Variants in PTCHD4 observed in about 807,000 individuals in gnomAD.
The protein encoded by PTCHD4 is patched domain-containing protein 4.
Under a neutral mutation model 58.1 loss-of-function variants are expected in PTCHD4, and 33 were observed. That is an observed-to-expected ratio of 0.57 (90% CI 0.43 to 0.76). The LOEUF (loss-of-function observed/expected upper bound fraction) is 0.76. Among genes scored for constraint, PTCHD4 ranks in the 30% least tolerant of loss-of-function variants. PTCHD4 has a pLI of 0.00. For synonymous variants in PTCHD4, 478 were observed against 409.6 expected (o/e 1.17, Z -2.02); for missense variants, 1,058 against 1,027.1 (o/e 1.03, Z -0.41).
intron 4 of PTCHD4, among the ~76,000 whole-genome samples, chr6:47,890,035 A>T (rs1365401104): frequency 6.6e-6 from 1 of 151,326 alleles, no homozygotes; most frequent in African/African-American, 2.4e-5. Context: ...GTATGTGTGT[A>T]TATATATATA....
chr6:48,044,359 T>A (rs1763958601), intron 3 of PTCHD4, among the ~76,000 whole-genome samples: 1 of 151,944 alleles, frequency 6.6e-6, no homozygotes, highest in Non-Finnish European at 1.5e-5. Context: ...AATACATTTG[T>A]CTATTTTTTT....
chr6:48,004,047 T>C (rs1352574046), intron 4 of PTCHD4, among the ~76,000 whole-genome samples: 1 of 152,218 alleles, frequency 6.6e-6, no homozygotes, highest in East Asian at 1.9e-4. Flanking sequence ...TATATTTCTC[T>C]ATTTAGTTGT....
chr6:47,967,264 T>A (rs954438171), intron 4 of PTCHD4, among the ~76,000 whole-genome samples: 4 of 152,226 alleles, frequency 2.6e-5, no homozygotes, highest in Non-Finnish European at 4.4e-5. Context: ...TTTGCAGTAA[T>A]ATTTTGAAAG....
intron 3 of PTCHD4, among the ~76,000 whole-genome samples, chr6:48,011,694 T>C (rs1196522050): frequency 6.6e-6 from 1 of 152,228 alleles, no homozygotes; most frequent in Non-Finnish European, 1.5e-5. Flanking sequence ...TCTAGGGTTT[T>C]TATGTTTTTA....
In PTCHD4 at chr6:47,934,982, C is replaced by A. The variant is rs115646056; in HGVS notation, c.899-55046G>T. 2.0e-3 allele frequency among the ~76,000 whole-genome samples: 311 copies of A among 152,220 alleles called. 4 individuals are homozygous for A. Among genetic ancestry groups the A allele is most frequent in the Non-Finnish European group, 2.3e-3 (154 of 67,986 alleles). ...CACCCATGTCTAAAATTAAATAAGT[C>A]TATGTTCACATAACAAAATAGGGTT... On this transcript the variant is annotated intron_variant, in intron 4 of 4. Coordinates refer to ENST00000339488, the MANE Select transcript of PTCHD4 (RefSeq NM_001384253.1).
Position 48,068,133 on chromosome 6 carries a change from C to G in PTCHD4, c.417+97G>C. On this transcript the variant is annotated intron_variant, in intron 3 of 4. Coordinates refer to ENST00000339488, the MANE Select transcript of PTCHD4 (RefSeq NM_001384253.1). This position sits in a 1 kb window ranked among gnomAD's most constrained non-coding sequence, Gnocchi z 4.2. ...GAGACGGCAGCCTGCCTGAGATCCT[C>G]TAGCACTGAAATAATATCATCCAGC... 5 of 1,351,886 alleles carry G rather than the reference C, an allele frequency of 3.7e-6. No individual in the cohort carries two copies. The highest frequency in any genetic ancestry group is 5.1e-6 in the Non-Finnish European group (5 of 989,788). The allele number at this position is 1,351,886 out of a possible 1,614,324, so 83.7% of individuals were successfully genotyped here. A position where few individuals can be genotyped will look rare whatever the true frequency, so the allele number is the denominator to read the frequency against.
intron 1 of PTCHD4, among the ~76,000 whole-genome samples, chr6:48,074,170 T>C (rs756718670): frequency 1.3e-5 from 2 of 152,004 alleles, no homozygotes; most frequent in Non-Finnish European, 2.9e-5. Context: ...ATCCGAGATA[T>C]AACGTTTTAC....
At chr6:48,108,940 A>G (rs1765805174) in intron 1 of PTCHD4, among the ~76,000 whole-genome samples, 1 of 152,100 alleles carries the variant, frequency 6.6e-6, no homozygotes, top group Non-Finnish European at 1.5e-5. Context: ...AAAAAGAAAC[A>G]GGACATAATT....
intron 3 of PTCHD4, among the ~76,000 whole-genome samples, chr6:48,064,157 C>T (rs1764718072): frequency 6.6e-6 from 1 of 152,106 alleles, no homozygotes; most frequent in Non-Finnish European, 1.5e-5. Context: ...TTCTCTATCA[C>T]CGTTGGCCAG....
At position 47,952,717 on chromosome 6, in the gene PTCHD4, G is replaced by T. The variant is rs139669216; in HGVS notation, c.898+55917C>A. 7.0e-3 allele frequency among the ~76,000 whole-genome samples: 1,065 copies of T among 152,202 alleles called. 14 individuals carry two copies. The highest frequency in any genetic ancestry group is 0.023 in the African/African-American group (957 of 41,530). On this transcript the variant is annotated intron_variant, in intron 4 of 4. Transcript: ENST00000339488. The stretch of plus-strand genomic sequence containing the variant: ...CAGGAACATTTTGTACGGATTTGTA[G>T]TTTAGGAGCAATAGGCTATAGCATA...
At position 47,875,170 on chromosome 6, in the gene PTCHD4, A is replaced by T. The variant is rs1763815273; in HGVS notation, c.*3133T>A. On this transcript the variant is annotated 3_prime_UTR_variant, in exon 5 of 5. Coordinates refer to ENST00000339488, the MANE Select transcript of PTCHD4 (RefSeq NM_001384253.1). ...ACACAAAGCTAACATATTTCCCACAAATTTCTTCTCTTCTAGGAGTTGATT... is the reference window on the plus strand; with the variant it reads ...ACACAAAGCTAACATATTTCCCACATATTTCTTCTCTTCTAGGAGTTGATT... Among the ~76,000 whole-genome samples the T allele has an allele frequency of 6.6e-6, 1 of 151,850 alleles. No individual in the cohort carries two copies. Among genetic ancestry groups the T allele is most frequent in the Non-Finnish European group, 1.5e-5 (1 of 67,858 alleles).
intron 3 of PTCHD4, among the ~76,000 whole-genome samples, chr6:48,030,589 T>C (rs906660582): frequency 2.0e-5 from 3 of 152,166 alleles, no homozygotes; most frequent in African/African-American, 7.2e-5. Flanking sequence ...AACTTTCATG[T>C]CTGCTGCTGT....
Position 47,879,818 on chromosome 6 carries a change from C to G in PTCHD4, c.1017G>C (p.Met339Ile), listed in dbSNP as rs1404637512. The G allele has an allele frequency of 7.4e-6, 12 of 1,613,444 alleles. No individual in the cohort carries two copies. The highest frequency in any genetic ancestry group is 1.0e-5 in the Non-Finnish European group (12 of 1,179,696). ...AAGTGATGAAGTACAGGGAGCTGGT[C>G]ATGGTATAGGTGACCATCACATCAG... is the stretch of plus-strand genomic sequence containing the variant. ...AYSDVMVTYTMTSSLYFITFG... is the reference protein window; with the variant it reads ...AYSDVMVTYTITSSLYFITFG... Residue 339 changes from methionine (M) to isoleucine (I), a missense_variant, in exon 5 of 5, where the codon ATG becomes ATC. Coordinates refer to ENST00000339488, the MANE Select transcript of PTCHD4 (RefSeq NM_001384253.1).
chr6:47,963,225 C>A (rs1294393184), intron 4 of PTCHD4, among the ~76,000 whole-genome samples: 3 of 151,426 alleles, frequency 2.0e-5, no homozygotes, highest in Non-Finnish European at 4.4e-5. Context: ...CACATGCCAA[C>A]AAATATATAT....
At chr6:48,004,175 C>T (rs1015570526) in intron 4 of PTCHD4, among the ~76,000 whole-genome samples, 1 of 152,018 alleles carries the variant, frequency 6.6e-6, no homozygotes, top group African/African-American at 2.4e-5. Context: ...AGTAGATGCT[C>T]AATAAATCTT....
intron 4 of PTCHD4, among the ~76,000 whole-genome samples, chr6:47,909,412 G>A (rs998310509): frequency 1.3e-5 from 2 of 152,028 alleles, no homozygotes; most frequent in African/African-American, 4.8e-5. Context: ...AGCATGCAAT[G>A]CATATTTTCT....
chr6:48,002,732 A>T (rs1359815635), intron 4 of PTCHD4, among the ~76,000 whole-genome samples: 1 of 151,654 alleles, frequency 6.6e-6, no homozygotes, highest in Non-Finnish European at 1.5e-5. Context: ...CACATTGTGC[A>T]CATGTACCCT....
At chr6:48,091,637 CTCTT>C (rs1016094375) in intron 1 of PTCHD4, among the ~76,000 whole-genome samples, 2 of 140,782 alleles carry the variant, frequency 1.4e-5, no homozygotes, top group African/African-American at 2.6e-5. Context: ...CCCTCCCTTC[CTCTT>C]TCTTTCTCTC....
At chr6:47,929,912 A>G (rs1765751905) in intron 4 of PTCHD4, among the ~76,000 whole-genome samples, 1 of 152,246 alleles carries the variant, frequency 6.6e-6, no homozygotes, top group Non-Finnish European at 1.5e-5. Flanking sequence ...CATGCTAGAC[A>G]GAAGCAGTGA....
Sources: allele counts gnomAD v4.1 joint callset (sites outside exome capture counted in the v4.1 genomes callset), GRCh38; gene constraint gnomAD v4.1.1; non-coding constraint Gnocchi (gnomAD v3.1); transcripts MANE v1.5; gene names NCBI Gene and HGNC (gene_info 2026-07-23, HGNC 2026-07-21).